MTMR9: variants seen among roughly 807,000 people sequenced by gnomAD.
The protein encoded by MTMR9 is myotubularin related protein 9.
A neutral mutation model predicts 69.5 loss-of-function variants in MTMR9; 39 were observed. That is an observed-to-expected ratio of 0.56 (90% CI 0.43 to 0.73). MTMR9 has a LOEUF of 0.73. Ranked by LOEUF, MTMR9 falls within the 30% of genes least tolerant of loss-of-function variation. The pLI is 0.00. For synonymous variants in MTMR9, 354 were observed against 240.8 expected, an observed-to-expected ratio of 1.47 and a Z score of -4.35; for missense variants, 900 against 671.2, an observed-to-expected ratio of 1.34 and a Z score of -3.77.
chr8:11,329,069 G>C (rs1801076915), downstream of MTMR9, among the ~76,000 whole-genome samples: 1 of 152,150 alleles, frequency 6.6e-6, no homozygotes, highest in South Asian at 2.1e-4. Flanking sequence ...TGGTATCTTT[G>C]TTGAAGATTA....
chr8:11,286,799 C>T (rs961280956), intron 1 of MTMR9, among the ~76,000 whole-genome samples: 2 of 151,846 alleles, frequency 1.3e-5, no homozygotes, highest in African/African-American at 4.8e-5. Context: ...TTTCTTTTAA[C>T]GAGCCTTTCT....
At position 11,320,706 on chromosome 8, in the gene MTMR9, C is replaced by G. The variant is rs546266869; in HGVS notation, c.1486+868C>G. The G allele has an allele frequency of 2.0e-5, 3 of 151,938 alleles. No homozygotes were observed. The East Asian group carries it at 5.9e-4, about 30-fold the overall frequency. The allele number at this position is 151,938 out of a possible 1,614,324, so 9.4% of individuals were successfully genotyped here. A position where few individuals can be genotyped will look rare whatever the true frequency, so the allele number is the denominator to read the frequency against. On this transcript the variant is annotated intron_variant, in intron 9 of 9. Transcript: ENST00000221086. ...AGAGATGATGCTACTGCACTTTAGCCAGGGTGACACAACGAGACTTTCTCA... is the reference window on the plus strand; with the variant it reads ...AGAGATGATGCTACTGCACTTTAGCGAGGGTGACACAACGAGACTTTCTCA...
chr8:11,329,191 C>G (rs144342508), downstream of MTMR9, among the ~76,000 whole-genome samples: 1 of 152,116 alleles, frequency 6.6e-6, no homozygotes, highest in South Asian at 2.1e-4. Context: ...GCCAGGAGTT[C>G]GAGACCAGCA....
chr8:11,285,956 T>C (rs1326255964), intron 1 of MTMR9, among the ~76,000 whole-genome samples: 1 of 140,490 alleles, frequency 7.1e-6, no homozygotes, highest in Non-Finnish European at 1.5e-5. Flanking sequence ...TTCTTTTTTT[T>C]TTTTTTTTTT....
At chr8:11,332,460 G>T (rs1356099464), downstream of MTMR9, among the ~76,000 whole-genome samples, 1 of 151,928 alleles carries the variant, frequency 6.6e-6, no homozygotes, top group Non-Finnish European at 1.5e-5. Flanking sequence ...TCAGAGAAAT[G>T]ATGTTTGAAC....
At chr8:11,295,413 T>C (rs1336780504) in intron 2 of MTMR9, 111 bp downstream of exon 2, 2 of 710,594 alleles carry the variant, frequency 2.8e-6, no homozygotes, top group Admixed American at 2.4e-5. Context: ...ACTCAAATAC[T>C]GAAGACTGAT....
At chr8:11,321,485 G>C (rs1800688645) in intron 9 of MTMR9, 1 of 456,616 alleles carries the variant, frequency 2.2e-6, no homozygotes, top group Non-Finnish European at 4.4e-6. Flanking sequence ...TAATTGCTTT[G>C]TACCAAACCT....
Position 11,322,619 on chromosome 8 carries a change from C to A in MTMR9, c.1487-6C>A. On this transcript the variant is annotated splice_region_variant and splice_polypyrimidine_tract_variant and intron_variant, in intron 9 of 9. Transcript: ENST00000221086. ...TGCTTCTGTTTTCCATTCCTGGATT[C>A]AATAGGTATTTTCCTACGTTGGAAT... The A allele has an allele frequency of 6.2e-7, 1 of 1,611,988 alleles. No individual in the cohort carries two copies. The highest frequency in any genetic ancestry group is 1.1e-5 in the South Asian group (1 of 90,726).
rs183636805 is a variant in MTMR9, at chr8:11,314,409, C to T, written c.972-514C>T. ...TTTTTTTTCCTGTTGTCGTGTTTCT[C>T]AAAGTGTGGTCTAGGTCTCATTTTC... On this transcript the variant is annotated intron_variant, in intron 6 of 9. Transcript: ENST00000221086. 1.1e-4 allele frequency among the ~76,000 whole-genome samples: 16 copies of T among 152,130 alleles called. No homozygotes were observed. The East Asian group carries it at 3.1e-3, about 29-fold the overall frequency.
intron 1 of MTMR9, among the ~76,000 whole-genome samples, chr8:11,292,647 C>G (rs912647964): frequency 2.6e-5 from 4 of 151,778 alleles, no homozygotes; most frequent in African/African-American, 9.7e-5. Flanking sequence ...CTTTTTTTTG[C>G]TAAGTGACCA....
chr8:11,316,693 G>C lies in MTMR9; in HGVS notation c.1134G>C (p.Gln378His). The change falls in exon 8 of 10, where the codon CAG (glutamine) becomes CAC (histidine). Residue 378 changes from glutamine to histidine, a missense_variant. Physicochemically the swap from Gln to His is conservative, Grantham distance 24. Coordinates refer to ENST00000221086, the MANE Select transcript of MTMR9 (RefSeq NM_015458.4). ...EWLQAGHPFQ[Q>H]RCAQSAYCNT... ...CCTAGGCTGGTCACCCATTCCAGCAGCGCTGTGCACAGTCAGCCTACTGTA... is the reference window on the plus strand; with the variant it reads ...CCTAGGCTGGTCACCCATTCCAGCACCGCTGTGCACAGTCAGCCTACTGTA... The C allele has an allele frequency of 6.2e-7, 1 of 1,609,300 alleles. No individual in the cohort carries two copies. Among genetic ancestry groups the C allele is most frequent in the Non-Finnish European group, 8.5e-7 (1 of 1,177,886 alleles).
downstream of MTMR9, among the ~76,000 whole-genome samples, chr8:11,328,719 A>G (rs534705443): frequency 7.2e-5 from 11 of 152,350 alleles, no homozygotes; most frequent in South Asian, 2.1e-4. Flanking sequence ...AGCCTTCCAC[A>G]AAATAGTTAC....
intron 1 of MTMR9, among the ~76,000 whole-genome samples, chr8:11,293,618 A>T (rs1231031677): frequency 6.6e-6 from 1 of 152,146 alleles, no homozygotes; most frequent in Non-Finnish European, 1.5e-5. Flanking sequence ...CTTATCTAAG[A>T]AACCATTGCC....
At chr8:11,286,368 A>G (rs970380113) in intron 1 of MTMR9, among the ~76,000 whole-genome samples, 1 of 151,838 alleles carries the variant, frequency 6.6e-6, no homozygotes, top group East Asian at 1.9e-4. Context: ...CTTTTGCTGT[A>G]TAAAGTCTTC....
chr8:11,293,782 C>T (rs774018474), intron 1 of MTMR9, among the ~76,000 whole-genome samples: 1 of 151,382 alleles, frequency 6.6e-6, no homozygotes, highest in Non-Finnish European at 1.5e-5. Flanking sequence ...AAAAAGCTAT[C>T]CAGTTGTGCC....
chr8:11,295,902 C>T (rs1051929509), intron 2 of MTMR9, among the ~76,000 whole-genome samples: 1 of 152,112 alleles, frequency 6.6e-6, no homozygotes, highest in African/African-American at 2.4e-5. Context: ...TTCCCATCTG[C>T]CCTCTACAGA....
In MTMR9 at chr8:11,320,139, T is replaced by A. The variant is rs573278117; in HGVS notation, c.1486+301T>A. On this transcript the variant is annotated intron_variant, in intron 9 of 9. Transcript: ENST00000221086. ...TTGCCTAAGAGAGTTGGTAAGTAGT[T>A]GGGACATGAATAAATTGTAAGCTCA... The A allele has an allele frequency of 4.0e-5, 10 of 251,848 alleles. No homozygotes were observed. In the East Asian group the frequency reaches 9.4e-4, roughly 24 times the overall value. The allele number at this position is 251,848 out of a possible 1,614,324, so 15.6% of individuals were successfully genotyped here. A position where few individuals can be genotyped will look rare whatever the true frequency, so the allele number is the denominator to read the frequency against.
intron 3 of MTMR9, among the ~76,000 whole-genome samples, chr8:11,303,520 GTT>G (rs1453066753): frequency 6.6e-6 from 1 of 151,686 alleles, no homozygotes. Context: ...TAGAAACTGT[GTT>G]TTTTTTAAAT....
At chr8:11,319,269 G>A (rs1339951008) in intron 8 of MTMR9, 2 of 153,888 alleles carry the variant, frequency 1.3e-5, no homozygotes, top group Non-Finnish European at 2.9e-5. Flanking sequence ...GTCAAAAAGT[G>A]TATAATTTTT....
Sources: allele counts gnomAD v4.1 joint callset (sites outside exome capture counted in the v4.1 genomes callset), GRCh38; gene constraint gnomAD v4.1.1; transcripts MANE v1.5; gene names NCBI Gene and HGNC (gene_info 2026-07-23, HGNC 2026-07-21).